The following CACNA1E variants were observed in gnomAD, a reference collection of about 807,000 sequenced individuals.
CACNA1E encodes the protein voltage-dependent R-type calcium channel subunit alpha-1E.
In CACNA1E, 40 loss-of-function variants were observed where a neutral mutation model predicts 259.2. The observed-to-expected ratio is 0.15, with a 90% confidence interval of 0.12 to 0.20. The LOEUF (loss-of-function observed/expected upper bound fraction) is 0.20. CACNA1E is among the 10% of genes least tolerant of loss of function. The pLI is 1.00. For synonymous variants in CACNA1E, 1,104 were observed against 1,138.5 expected, an observed-to-expected ratio of 0.97 and a Z score of 0.61; for missense variants, 1,874 against 3,040.1, an observed-to-expected ratio of 0.62 and a Z score of 9.02.
chr1:181,433,560 A>G (rs1451767924), intron 2 of CACNA1E, among the ~76,000 whole-genome samples: 1 of 152,184 alleles, frequency 6.6e-6, no homozygotes, highest in African/African-American at 2.4e-5. Context: ...GAAATATAGG[A>G]GCTTATAAAG....
At chr1:181,438,344 T>G (rs1660226516) in intron 2 of CACNA1E, among the ~76,000 whole-genome samples, 1 of 152,198 alleles carries the variant, frequency 6.6e-6, no homozygotes, top group Admixed American at 6.5e-5. Context: ...AAAATTATAT[T>G]CATGCAAGAG....
intron 6 of CACNA1E, among the ~76,000 whole-genome samples, chr1:181,621,107 A>T (rs1655684539): frequency 6.6e-6 from 1 of 152,266 alleles, no homozygotes; most frequent in Admixed American, 6.5e-5. Context: ...CATCATTGAG[A>T]TCACACTGAA....
intron 6 of CACNA1E, among the ~76,000 whole-genome samples, chr1:181,623,376 G>GA (rs1655899751): frequency 6.6e-6 from 1 of 152,188 alleles, no homozygotes; most frequent in African/African-American, 2.4e-5. Context: ...GAATTTAACA[G>GA]AGAGTAGGCA....
intron 2 of CACNA1E, among the ~76,000 whole-genome samples, chr1:181,416,745 C>T (rs636706): frequency 0.081 from 12,334 of 152,154 alleles, 1,030 homozygotes; most frequent in African/African-American, 0.21. Flanking sequence ...ACTCCCCTCT[C>T]CTGTCCTAAA....
intron 38 of CACNA1E, chr1:181,779,521 CT>C (rs537469510): frequency 8.8e-6 from 4 of 454,048 alleles, no homozygotes; most frequent in Non-Finnish European, 1.8e-5. Flanking sequence ...AGAACTGCCC[CT>C]ACAGGGTGGC....
At chr1:181,342,708 T>C (rs1463578225) in intron 1 of CACNA1E, among the ~76,000 whole-genome samples, 1 of 152,128 alleles carries the variant, frequency 6.6e-6, no homozygotes, top group Admixed American at 6.5e-5. Context: ...ATAAGAATAG[T>C]CAAAGAAGTG....
intron 7 of CACNA1E, among the ~76,000 whole-genome samples, chr1:181,705,697 A>G (rs761423127): frequency 1.3e-5 from 2 of 152,242 alleles, no homozygotes; most frequent in Non-Finnish European, 2.9e-5. Flanking sequence ...AAGGAGAAGT[A>G]TCGGGAATGA....
chr1:181,321,786 G>A (rs758793971), intron 1 of CACNA1E, among the ~76,000 whole-genome samples: 16 of 152,220 alleles, frequency 1.1e-4, no homozygotes, highest in Non-Finnish European at 2.1e-4. Context: ...AAAGAGTACT[G>A]CGTGGGAGAC....
At chr1:181,474,044 C>T (rs477956) in intron 2 of CACNA1E, among the ~76,000 whole-genome samples, 29,244 of 152,162 alleles carry the variant, frequency 0.19, 3,092 homozygotes, top group African/African-American at 0.27. Context: ...ATCACCTATA[C>T]TTTTCTTTGT....
intron 1 of CACNA1E, among the ~76,000 whole-genome samples, chr1:181,386,863 T>C (rs1447672230): frequency 2.6e-5 from 4 of 152,218 alleles, no homozygotes; most frequent in Admixed American, 6.5e-5. Context: ...TGGGTAACTA[T>C]GTGTGTTCCC....
At position 181,732,422 on chromosome 1, in the gene CACNA1E, A is replaced by G; in HGVS notation, c.2336A>G (p.Glu779Gly). The change falls in exon 20 of 48, where the codon GAG becomes GGG. Residue 779 changes from glutamate to glycine, a missense_variant. By Grantham distance (98) the Glu-to-Gly change is moderately conservative. Coordinates refer to ENST00000367573, the MANE Select transcript of CACNA1E (RefSeq NM_001205293.3). The surrounding 1 kb of genome is among the most constrained non-coding windows in gnomAD (Gnocchi z 5.5). ...RRRRHHMSVW[E>G]QRTSQLRKHM... Reference sequence around the variant, plus strand: ...CGCCGGCACCACATGTCCGTGTGGGAGCAGCGTACCAGCCAGCTGAGGAAG... The same window carrying G: ...CGCCGGCACCACATGTCCGTGTGGGGGCAGCGTACCAGCCAGCTGAGGAAG... 6.5e-7 allele frequency: 1 copy of G among 1,545,232 alleles called. No homozygotes were observed. The highest frequency in any genetic ancestry group is 8.7e-7 in the Non-Finnish European group (1 of 1,144,114).
chr1:181,365,956 G>A (rs1654239459), intron 1 of CACNA1E, among the ~76,000 whole-genome samples: 4 of 152,160 alleles, frequency 2.6e-5, no homozygotes, highest in African/African-American at 9.7e-5. Context: ...TGGTTCTTGG[G>A]GACCTTCTGC....
rs1659570667 is a variant in CACNA1E at position 181,772,122 on chromosome 1, G to T, written c.5030G>T (p.Gly1677Val). The stretch of plus-strand genomic sequence containing the variant: ...ATGCTGTCATGCCTTGGGGAGAAGG[G>T]CTGTGAGCCTGACACCACCGCACCA... The part of the protein sequence containing the change: ...EIMLSCLGEK[G>V]CEPDTTAPSG... Residue 1677 changes from glycine (G) to valine (V), a missense_variant, in exon 37 of 48, where the codon GGC becomes GTC. By Grantham distance (109) the Gly-to-Val change is moderately radical. Transcript: ENST00000367573. 6.2e-7 allele frequency: 1 copy of T among 1,613,838 alleles called. No individual in the cohort carries two copies. The highest frequency in any genetic ancestry group is 1.3e-5 in the African/African-American group (1 of 74,914).
At chr1:181,326,640 A>G (rs149873841) in intron 1 of CACNA1E, among the ~76,000 whole-genome samples, 5 of 152,122 alleles carry the variant, frequency 3.3e-5, no homozygotes, top group Non-Finnish European at 1.5e-5. Flanking sequence ...CACCGCTCGT[A>G]TGCTGGTGAC....
intron 6 of CACNA1E, among the ~76,000 whole-genome samples, chr1:181,618,640 A>G (rs12123901): frequency 0.017 from 2,578 of 152,334 alleles, 36 homozygotes; most frequent in Middle Eastern, 0.061. Flanking sequence ...TCCATATTTT[A>G]TAGACAATAC....
chr1:181,566,350 T>C (rs1649821529), intron 3 of CACNA1E, among the ~76,000 whole-genome samples: 1 of 152,214 alleles, frequency 6.6e-6, no homozygotes, highest in South Asian at 2.1e-4. Flanking sequence ...GGAACAGGGC[T>C]ATATAAACTG....
chr1:181,603,912 C>T (rs949642330), intron 6 of CACNA1E, among the ~76,000 whole-genome samples: 17 of 152,276 alleles, frequency 1.1e-4, no homozygotes, highest in Middle Eastern at 3.4e-3. Flanking sequence ...GTGCAGCTGC[C>T]GCCGAGCTGC....
chr1:181,389,462 C>T (rs1294654580), intron 1 of CACNA1E, among the ~76,000 whole-genome samples: 1 of 152,134 alleles, frequency 6.6e-6, no homozygotes, highest in African/African-American at 2.4e-5. Flanking sequence ...CTTGGGGTTA[C>T]AAATCAACGT....
intron 1 of CACNA1E, among the ~76,000 whole-genome samples, chr1:181,495,347 C>T (rs1664657101): frequency 6.6e-6 from 1 of 152,166 alleles, no homozygotes; most frequent in Admixed American, 6.5e-5. Context: ...AGCTGTGTGC[C>T]TCAGGCAACC....
Sources: gnomAD v4.1 joint callset for allele counts (sites outside exome capture counted in the v4.1 genomes callset) on GRCh38, gnomAD v4.1.1 for gene constraint, Gnocchi (gnomAD v3.1) non-coding constraint, MANE v1.5 for transcripts, NCBI Gene and HGNC (gene_info 2026-07-23, HGNC 2026-07-21) for gene names.